NUP62CL: variants seen among roughly 807,000 people sequenced by gnomAD.
NUP62CL encodes nucleoporin-62 C-terminal-like protein.
NUP62CL carries 13 observed loss-of-function variants against 15.3 expected under a neutral mutation model. That is an observed-to-expected ratio of 0.85 (90% CI 0.55 to 1.35). The LOEUF (loss-of-function observed/expected upper bound fraction) is 1.35, where lower values mean the gene tolerates loss of function less well. Among genes scored for constraint, NUP62CL ranks in the 40% most tolerant of loss-of-function variants. The probability of loss-of-function intolerance (pLI) is 0.00; values close to 1 mark genes in which losing one functional copy is unlikely to be tolerated. For missense variants in NUP62CL, 123 were observed against 130.6 expected, an observed-to-expected ratio of 0.94 and a Z score of 0.28; for synonymous variants, 54 against 49.2, an observed-to-expected ratio of 1.10 and a Z score of -0.41.
At chrX:107,198,217 C>A (rs937458735) in intron 1 of NUP62CL, among the ~76,000 whole-genome samples, 1 of 112,100 alleles carries the variant, frequency 8.9e-6, no homozygotes, top group Non-Finnish European at 1.9e-5. Context: ...TAAAAACACA[C>A]CAATCAGCGC....
At chrX:107,153,524 A>G in intron 5 of NUP62CL, 21 bp from the exon 6 acceptor site, 1 of 950,492 alleles carries the variant, frequency 1.1e-6, no homozygotes, top group Non-Finnish European at 1.5e-6. Flanking sequence ...AAATATGAAT[A>G]CAACAATATA....
At chrX:107,196,378 A>G (rs965319958) in intron 1 of NUP62CL, among the ~76,000 whole-genome samples, 24 of 111,320 alleles carry the variant, frequency 2.2e-4, no homozygotes, top group African/African-American at 7.8e-4. Flanking sequence ...AATTATTATG[A>G]ATTGTCAGTT....
intron 8 of NUP62CL, among the ~76,000 whole-genome samples, chrX:107,144,143 A>G (rs1925837525): frequency 5.4e-5 from 6 of 111,114 alleles, no homozygotes; most frequent in Admixed American, 4.8e-4. Context: ...TCATTGTTTT[A>G]CTCTTTTTAT....
At chrX:107,174,187 C>T (rs1926728953) in intron 3 of NUP62CL, among the ~76,000 whole-genome samples, 1 of 98,052 alleles carries the variant, frequency 1.0e-5, no homozygotes, top group Non-Finnish European at 2.0e-5. Flanking sequence ...GGTGTTACTC[C>T]GTCACCCAGG....
chrX:107,188,204 C>T (rs1927116479), intron 2 of NUP62CL, among the ~76,000 whole-genome samples: 1 of 111,633 alleles, frequency 9.0e-6, no homozygotes, highest in East Asian at 2.8e-4. Context: ...TGCAAGAATC[C>T]TTAATGAAAT....
intron 8 of NUP62CL, among the ~76,000 whole-genome samples, chrX:107,125,136 A>C (rs78657493): frequency 6.3e-5 from 7 of 111,974 alleles, no homozygotes; most frequent in Non-Finnish European, 9.4e-5. Context: ...CCTGTTCAAC[A>C]TGAAGATGAA....
chrX:107,155,245 G>A (rs1926147557), intron 4 of NUP62CL, among the ~76,000 whole-genome samples: 1 of 112,263 alleles, frequency 8.9e-6, no homozygotes, highest in Non-Finnish European at 1.9e-5. Context: ...GCCCAGTAGA[G>A]AGCTAAGCCT....
chrX:107,126,006 G>A (rs1024306510), intron 8 of NUP62CL, among the ~76,000 whole-genome samples: 7 of 111,341 alleles, frequency 6.3e-5, no homozygotes, highest in Admixed American at 2.9e-4. Context: ...CAGAATTTTG[G>A]TCCCATGACA....
At chrX:107,160,654 G>A (rs1049087259) in intron 4 of NUP62CL, among the ~76,000 whole-genome samples, 4 of 110,602 alleles carry the variant, frequency 3.6e-5, no homozygotes, top group Admixed American at 9.6e-5. Context: ...AGATTTAAAC[G>A]TTAGACCTAA....
In NUP62CL at chrX:107,123,550, G is replaced by C. The variant is rs1026076635; in HGVS notation, c.*825C>G. On this transcript the variant is annotated 3_prime_UTR_variant, in exon 9 of 9. Transcript: ENST00000372466. ...GGAGACCAGACTGTTCCAAACCTAA[G>C]AACAAGGCTTATTTAAAACAAAACA... is the stretch of plus-strand genomic sequence containing the variant. 9.3e-6 allele frequency: 1 copy of C among 107,320 alleles called. No homozygotes were observed. The highest frequency in any genetic ancestry group is 3.4e-5 in the African/African-American group (1 of 29,456). 8.8% of individuals were successfully genotyped at this position (107,320 alleles called of 1,213,427 possible). A position where few individuals can be genotyped will look rare whatever the true frequency, so the allele number is the denominator to read the frequency against.
chrX:107,188,527 T>C (rs1410922939), intron 2 of NUP62CL, among the ~76,000 whole-genome samples: 2 of 108,583 alleles, frequency 1.8e-5, no homozygotes, highest in Admixed American at 2.0e-4. Context: ...GCTAAGACTA[T>C]ACTTAATAGT....
chrX:107,189,870 A>C (rs58044142), intron 2 of NUP62CL, among the ~76,000 whole-genome samples: 1 of 69,428 alleles, frequency 1.4e-5, no homozygotes, highest in Admixed American at 1.6e-4. Flanking sequence ...AGGAAGGAAA[A>C]AGAAAGAAAA....
chrX:107,126,461 C>A (rs999640574), intron 8 of NUP62CL, among the ~76,000 whole-genome samples: 6 of 112,065 alleles, frequency 5.4e-5, no homozygotes, highest in African/African-American at 1.9e-4. Flanking sequence ...TAGGATTTAA[C>A]ACTATCTAAT....
intron 8 of NUP62CL, among the ~76,000 whole-genome samples, chrX:107,135,765 G>A (rs1172520808): frequency 1.8e-5 from 2 of 111,630 alleles, no homozygotes; most frequent in Non-Finnish European, 3.8e-5. Flanking sequence ...CACTTTACGT[G>A]ATTTCAGTTA....
At chrX:107,174,557 C>A (rs929067302) in intron 3 of NUP62CL, among the ~76,000 whole-genome samples, 1 of 111,496 alleles carries the variant, frequency 9.0e-6, no homozygotes, top group African/African-American at 3.3e-5. Flanking sequence ...TCAAAGCATC[C>A]AGATAGATGG....
rs137855042 is a variant in NUP62CL, at chrX:107,153,206, A to C, written c.496T>G (p.Tyr166Asp). 9.7e-5 allele frequency: 117 copies of C among 1,205,408 alleles called. No homozygotes were observed. The African/African-American group carries it at 1.9e-3, about 20-fold the overall frequency. The stretch of plus-strand genomic sequence containing the variant: ...TGCTCCTCATCTGCATCCTGCAGAT[A>C]ATGAAGTCCACTCTGGTCACGCGTA... ...ESTRDQSGLH[Y>D]LQDADEEHVE... Residue 166 changes from tyrosine (Y) to aspartate (D), a missense_variant, in exon 7 of 9, where the codon TAT (tyrosine) becomes GAT (aspartate). Tyr to Asp is a radical substitution (Grantham distance 160, BLOSUM62 -3). Coordinates refer to ENST00000372466, the MANE Select transcript of NUP62CL (RefSeq NM_017681.3).
intron 8 of NUP62CL, among the ~76,000 whole-genome samples, chrX:107,127,067 T>A (rs1602632521): frequency 9.1e-6 from 1 of 109,722 alleles, no homozygotes; most frequent in South Asian, 3.8e-4. Flanking sequence ...CATCAACTGA[T>A]GAATGGATAA....
chrX:107,172,537 A>G (rs772667106), intron 3 of NUP62CL, among the ~76,000 whole-genome samples: 1 of 111,636 alleles, frequency 9.0e-6, no homozygotes, highest in Non-Finnish European at 1.9e-5. Flanking sequence ...ACCCAGCTCT[A>G]ATAGCTACGG....
intron 7 of NUP62CL, among the ~76,000 whole-genome samples, chrX:107,152,079 G>GATATATATATAT (rs750141716): frequency 1.1e-4 from 4 of 37,382 alleles, no homozygotes; most frequent in African/African-American, 5.1e-4. Flanking sequence ...TATATATTCA[G>GATATATATATAT]ATATATATAT....
Sources: allele counts gnomAD v4.1 joint callset (sites outside exome capture counted in the v4.1 genomes callset), GRCh38; gene constraint gnomAD v4.1.1; transcripts MANE v1.5; gene names NCBI Gene and HGNC (gene_info 2026-07-23, HGNC 2026-07-21).